The following NPEPPS variants were observed in gnomAD, a reference collection of about 807,000 sequenced individuals.
The protein encoded by NPEPPS is puromycin-sensitive aminopeptidase.
A neutral mutation model predicts 115.5 loss-of-function variants in NPEPPS; 14 were observed. The observed-to-expected ratio is 0.12, with a 90% confidence interval of 0.08 to 0.19. NPEPPS has a LOEUF of 0.19. Ranked by LOEUF, NPEPPS falls within the 10% of genes least tolerant of loss-of-function variation. The pLI, the probability that NPEPPS is intolerant of heterozygous loss-of-function variation, is 1.00. For synonymous variants in NPEPPS, 285 were observed against 390.6 expected, an observed-to-expected ratio of 0.73 and a Z score of 3.19; for missense variants, 523 against 1,110.8, an observed-to-expected ratio of 0.47 and a Z score of 7.52.
chr17:47,613,629 G>C (rs745895601), intron 18 of NPEPPS, 40 bp from the exon 19 acceptor site: 1 of 1,483,592 alleles, frequency 6.7e-7, no homozygotes, highest in South Asian at 1.2e-5. Context: ...CTTGAAACAA[G>C]GTACATTTAA....
In NPEPPS at chr17:47,622,102, A is replaced by G; in HGVS notation, c.*182A>G. ...AGAATTAAATTCTATTGAAAAAGGA[A>G]AATCAGCAATTCAGCAAAAAATAAA... is the stretch of plus-strand genomic sequence containing the variant. On this transcript the variant is annotated 3_prime_UTR_variant, in exon 23 of 23. Coordinates refer to ENST00000322157, the MANE Select transcript of NPEPPS (RefSeq NM_006310.4). 1 of 1,289,478 alleles carries G rather than the reference A, an allele frequency of 7.8e-7. No individual in the cohort carries two copies. The highest frequency in any genetic ancestry group is 3.5e-5 in the Admixed American group (1 of 28,604). 79.9% of individuals were successfully genotyped at this position (1,289,478 alleles called of 1,614,324 possible). A position where few individuals can be genotyped will look rare whatever the true frequency, so the allele number is the denominator to read the frequency against.
intron 21 of NPEPPS, 181 bp downstream of exon 21, chr17:47,619,345 G>A (rs1279565770): frequency 1.6e-6 from 1 of 640,334 alleles, no homozygotes; most frequent in Non-Finnish European, 2.8e-6. Flanking sequence ...CCTGAGGTCG[G>A]GAGTTCGAGA....
Position 47,545,870 on chromosome 17 carries a change from G to T in NPEPPS, c.256-39G>T, listed in dbSNP as rs897313295. On this transcript the variant is annotated intron_variant, in intron 1 of 22. Coordinates refer to ENST00000322157, the MANE Select transcript of NPEPPS (RefSeq NM_006310.4). ...CCAAGTTGTATATACTATTAATCTAGGCTATTTCTGACACTGTTGATTTTC... is the reference window on the plus strand; with the variant it reads ...CCAAGTTGTATATACTATTAATCTATGCTATTTCTGACACTGTTGATTTTC... 4.1e-5 allele frequency: 60 copies of T among 1,468,202 alleles called. No individual in the cohort carries two copies. The African/African-American group carries it at 7.7e-4, about 19-fold the overall frequency. The allele number at this position is 1,468,202 out of a possible 1,614,324, so 90.9% of individuals were successfully genotyped here. A position where few individuals can be genotyped will look rare whatever the true frequency, so the allele number is the denominator to read the frequency against.
intron 17 of NPEPPS, among the ~76,000 whole-genome samples, chr17:47,605,878 A>AT (rs1218055640): frequency 6.6e-6 from 1 of 152,018 alleles, no homozygotes; most frequent in Non-Finnish European, 1.5e-5. Flanking sequence ...TTATTTATTT[A>AT]TTTATTTTAT....
At chr17:47,594,390 A>T (rs1273128231) in intron 12 of NPEPPS, among the ~76,000 whole-genome samples, 3 of 150,812 alleles carry the variant, frequency 2.0e-5, no homozygotes, top group Admixed American at 6.7e-5. Flanking sequence ...TAATTTTTTT[A>T]ACTTTTTGAT....
chr17:47,579,544 T>C, intron 4 of NPEPPS, 33 bp downstream of exon 4: 6 of 1,540,038 alleles, frequency 3.9e-6, no homozygotes, highest in Non-Finnish European at 5.2e-6. Context: ...ATATTATTAT[T>C]CTTAAATTAG....
At chr17:47,543,051 C>T (rs1908885241) in intron 1 of NPEPPS, among the ~76,000 whole-genome samples, 1 of 151,158 alleles carries the variant, frequency 6.6e-6, no homozygotes, top group Non-Finnish European at 1.5e-5. Context: ...GCAGGAGAAT[C>T]GCTTGAACCT....
intron 4 of NPEPPS, chr17:47,582,162 A>T (rs1415406574): frequency 6.6e-6 from 1 of 152,530 alleles, no homozygotes; most frequent in Non-Finnish European, 1.5e-5. Flanking sequence ...ATTTTTAATG[A>T]AAGAGTAAGG....
At position 47,573,602 on chromosome 17, in the gene NPEPPS, A is replaced by C. The variant is rs146984419; in HGVS notation, c.418+4108A>C. On this transcript the variant is annotated intron_variant, in intron 3 of 22. Transcript: ENST00000322157. Reference sequence around the variant, plus strand: ...GCCATGGTCGTGGCTCATGCCTGTAATCCCAACACTTTGGGAGGCTGAGGT... The same window carrying C: ...GCCATGGTCGTGGCTCATGCCTGTACTCCCAACACTTTGGGAGGCTGAGGT... Among the ~76,000 whole-genome samples, 11 of 152,320 alleles carry C rather than the reference A, an allele frequency of 7.2e-5. No homozygotes were observed. The East Asian group carries it at 2.1e-3, about 29-fold the overall frequency.
Position 47,622,914 on chromosome 17 carries a change from G to A in NPEPPS, c.*994G>A. 4.4e-6 allele frequency: 2 copies of A among 456,016 alleles called. No homozygotes were observed. The highest frequency in any genetic ancestry group is 3.1e-5 in the South Asian group (2 of 64,562). The allele number at this position is 456,016 out of a possible 1,614,324, so 28.2% of individuals were successfully genotyped here. A position where few individuals can be genotyped will look rare whatever the true frequency, so the allele number is the denominator to read the frequency against. Reference sequence around the variant, plus strand: ...CTCCCGGTTCATTTTATGCGTGCGAGAAGTCAGTGGTAACTGCTGCAGGGC... The same window carrying A: ...CTCCCGGTTCATTTTATGCGTGCGAAAAGTCAGTGGTAACTGCTGCAGGGC... On this transcript the variant is annotated 3_prime_UTR_variant, in exon 23 of 23. Transcript: ENST00000322157.
chr17:47,615,073 C>CTTTTTTTTTTTTT (rs60829784), intron 19 of NPEPPS, among the ~76,000 whole-genome samples: 8 of 122,490 alleles, frequency 6.5e-5, no homozygotes, highest in African/African-American at 2.4e-4. Flanking sequence ...TACTTTCTTT[C>CTTTTTTTTTTTTT]TTTTTTTTTT....
intron 17 of NPEPPS, among the ~76,000 whole-genome samples, chr17:47,608,453 C>CA (rs36062497): frequency 0.46 from 36,433 of 78,882 alleles, 7,502 homozygotes; most frequent in Non-Finnish European, 0.52. Context: ...GACTCCGTCT[C>CA]AAAAAAAAAA....
chr17:47,599,160 G>C (rs8078880), intron 13 of NPEPPS, among the ~76,000 whole-genome samples: 69,387 of 151,870 alleles, frequency 0.46, 16,728 homozygotes, highest in South Asian at 0.56. Context: ...AATGTAAAAG[G>C]TTTCAACTTT....
intron 11 of NPEPPS, 63 bp downstream of exon 11, chr17:47,592,123 A>G (rs1490172976): frequency 1.1e-6 from 1 of 938,918 alleles, no homozygotes; most frequent in African/African-American, 1.7e-5. Flanking sequence ...TTGCATGAAA[A>G]AAAGTCTCAC....
intron 4 of NPEPPS, chr17:47,581,378 A>G (rs1485392598): frequency 6.6e-6 from 1 of 152,154 alleles, no homozygotes; most frequent in Non-Finnish European, 1.5e-5. Context: ...TGTGATATCC[A>G]TTCCATTCCC....
chr17:47,595,768 G>C (rs1229980454), intron 12 of NPEPPS, among the ~76,000 whole-genome samples: 1 of 151,962 alleles, frequency 6.6e-6, no homozygotes, highest in African/African-American at 2.4e-5. Context: ...GATCACCTGA[G>C]GTCAGGAGTT....
intron 9 of NPEPPS, among the ~76,000 whole-genome samples, chr17:47,589,052 A>G (rs1228548371): frequency 6.6e-6 from 1 of 152,134 alleles, no homozygotes; most frequent in East Asian, 1.9e-4. Flanking sequence ...AGTAGCTGCA[A>G]TTACAGGTGT....
Position 47,622,811 on chromosome 17 carries a change from G to A in NPEPPS, c.*891G>A, listed in dbSNP as rs1016492452. 14 of 453,486 alleles carry A rather than the reference G, an allele frequency of 3.1e-5. No individual in the cohort carries two copies. Among genetic ancestry groups the A allele is most frequent in the Non-Finnish European group, 6.2e-5 (14 of 226,094 alleles). 28.1% of individuals were successfully genotyped at this position (453,486 alleles called of 1,614,324 possible). ...TCTTCAGCCAGGCCTTTCTGAAGGA[G>A]TTATTCTGCTAAAAATGGTCTTAGT... is the stretch of plus-strand genomic sequence containing the variant. On this transcript the variant is annotated 3_prime_UTR_variant, in exon 23 of 23. Coordinates refer to ENST00000322157, the MANE Select transcript of NPEPPS (RefSeq NM_006310.4).
chr17:47,614,469 C>G (rs1402239585), intron 19 of NPEPPS, among the ~76,000 whole-genome samples: 1 of 152,188 alleles, frequency 6.6e-6, no homozygotes. Context: ...AGCATTTGAG[C>G]TATGGCAGGG....
Sources: gnomAD v4.1 joint callset for allele counts (sites outside exome capture counted in the v4.1 genomes callset) on GRCh38, gnomAD v4.1.1 for gene constraint, MANE v1.5 for transcripts, NCBI Gene and HGNC (gene_info 2026-07-23, HGNC 2026-07-21) for gene names.